IGSF21: variants seen among roughly 807,000 people sequenced by gnomAD.
IGSF21 encodes the protein immunoglobulin superfamily member 21.
A neutral mutation model predicts 46.8 loss-of-function variants in IGSF21; 28 were observed. That is an observed-to-expected ratio of 0.60 (90% CI 0.44 to 0.82). The LOEUF is 0.82. Ranked by LOEUF, IGSF21 falls within the 40% of genes least tolerant of loss-of-function variation. The pLI, the probability that IGSF21 is intolerant of heterozygous loss-of-function variation, is 0.00. For missense variants in IGSF21, 624 were observed against 665.5 expected (o/e 0.94, Z 0.69); for synonymous variants, 284 against 273.6 (o/e 1.04, Z -0.38).
intron 1 of IGSF21, among the ~76,000 whole-genome samples, chr1:18,148,704 G>C (rs897589696): frequency 1.3e-5 from 2 of 152,232 alleles, no homozygotes; most frequent in African/African-American, 4.8e-5. Flanking sequence ...TGTTTGTGGA[G>C]TGAGAGGATG....
At position 18,202,248 on chromosome 1, in the gene IGSF21, C is replaced by T. The variant is rs555726459; in HGVS notation, c.71-25650C>T. ...CCTCCATGTATTCAAAGTCGATGAG[C>T]AATGCAATCTCACATTCTCAGGGCT... On this transcript the variant is annotated intron_variant, in intron 1 of 9. Coordinates refer to ENST00000251296, the MANE Select transcript of IGSF21 (RefSeq NM_032880.5). Among the ~76,000 whole-genome samples the T allele has an allele frequency of 3.3e-5, 5 of 152,330 alleles. No homozygotes were observed. The South Asian group carries it at 1.0e-3, about 32-fold the overall frequency.
At chr1:18,336,846 C>T (rs1294228933) in intron 4 of IGSF21, among the ~76,000 whole-genome samples, 1 of 152,184 alleles carries the variant, frequency 6.6e-6, no homozygotes, top group Non-Finnish European at 1.5e-5. Flanking sequence ...GCTAGGGAGG[C>T]CTCACAATCG....
In IGSF21 at chr1:18,226,487, AG is replaced by A. The variant is rs374640709; in HGVS notation, c.71-1410del. ...TTGTGGTTGTGGCTTTGTCAGACCA[AG>A]TGGGCTCCAGGGCTATCCAGGGGCT... is the stretch of plus-strand genomic sequence containing the variant. On this transcript the variant is annotated intron_variant, in intron 1 of 9. Transcript: ENST00000251296. Among the ~76,000 whole-genome samples the A allele has an allele frequency of 1.5e-4, 23 of 152,250 alleles. No individual in the cohort carries two copies. The East Asian group carries it at 3.7e-3, about 24-fold the overall frequency.
At chr1:18,209,494 G>A (rs1001950804) in intron 1 of IGSF21, among the ~76,000 whole-genome samples, 38 of 150,530 alleles carry the variant, frequency 2.5e-4, no homozygotes, top group African/African-American at 7.8e-4. Flanking sequence ...TCACTCTGTC[G>A]CCCAGGCTGG....
rs1191486702 is a variant in IGSF21 at position 18,273,445 on chromosome 1, A to ACTTT, written c.184-18410_184-18407dup. 1.2e-3 allele frequency among the ~76,000 whole-genome samples: 47 copies of ACTTT among 40,060 alleles called. 2 individuals are homozygous for ACTTT. The highest frequency in any genetic ancestry group is 9.5e-3 in the South Asian group (14 of 1,480). 26.3% of individuals were successfully genotyped at this position (40,060 alleles called of 152,430 possible). A position where few individuals can be genotyped will look rare whatever the true frequency, so the allele number is the denominator to read the frequency against. On this transcript the variant is annotated intron_variant, in intron 2 of 9. Transcript: ENST00000251296. The stretch of plus-strand genomic sequence containing the variant: ...CTTTCCTTTCCTTTCTTTCTTTCTC[A>ACTTT]CTTTCTTTCTTTCTCTCTCTTTCTT...
At chr1:18,168,324 A>T (rs2086699772) in intron 1 of IGSF21, among the ~76,000 whole-genome samples, 1 of 152,182 alleles carries the variant, frequency 6.6e-6, no homozygotes, top group South Asian at 2.1e-4. Flanking sequence ...GGAGGCTTTT[A>T]TGGCTGGTAC....
At chr1:18,252,474 A>G (rs1287263621) in intron 2 of IGSF21, among the ~76,000 whole-genome samples, 1 of 152,242 alleles carries the variant, frequency 6.6e-6, no homozygotes, top group Non-Finnish European at 1.5e-5. Flanking sequence ...AGGTGGCCGT[A>G]GCTTTGCTCC....
intron 2 of IGSF21, among the ~76,000 whole-genome samples, chr1:18,268,031 T>C (rs2085006557): frequency 6.6e-6 from 1 of 152,202 alleles, no homozygotes; most frequent in Non-Finnish European, 1.5e-5. Context: ...TCTTCGTCTG[T>C]TTTATTTGCT....
intron 2 of IGSF21, among the ~76,000 whole-genome samples, chr1:18,276,214 T>C (rs2085101516): frequency 6.6e-6 from 1 of 152,074 alleles, no homozygotes; most frequent in South Asian, 2.1e-4. Flanking sequence ...CTGTTCTGGC[T>C]GAGCAATTCT....
intron 1 of IGSF21, among the ~76,000 whole-genome samples, chr1:18,128,446 A>T (rs1272788651): frequency 1.3e-5 from 2 of 152,102 alleles, no homozygotes; most frequent in Non-Finnish European, 2.9e-5. Context: ...TTTGTAGCTG[A>T]TTCCTTCCCT....
At chr1:18,236,959 G>A (rs965732325) in intron 2 of IGSF21, among the ~76,000 whole-genome samples, 1 of 152,200 alleles carries the variant, frequency 6.6e-6, no homozygotes, top group African/African-American at 2.4e-5. Context: ...GAGATCAGCA[G>A]TAACATGGCC....
chr1:18,155,261 G>A (rs2086557883), intron 1 of IGSF21, among the ~76,000 whole-genome samples: 1 of 152,120 alleles, frequency 6.6e-6, no homozygotes, highest in Non-Finnish European at 1.5e-5. Context: ...GCACGGGATG[G>A]GACATAGAGA....
chr1:18,357,629 G>C (rs115239068), intron 4 of IGSF21, among the ~76,000 whole-genome samples: 4 of 152,084 alleles, frequency 2.6e-5, no homozygotes, highest in African/African-American at 7.2e-5. Flanking sequence ...CAGGAATGCC[G>C]TACTTGGTCA....
At chr1:18,313,255 G>T (rs892043003) in intron 3 of IGSF21, among the ~76,000 whole-genome samples, 19 of 152,176 alleles carry the variant, frequency 1.2e-4, no homozygotes, top group South Asian at 2.1e-4. Flanking sequence ...ACCTCAGGTG[G>T]ATCCCTTCCA....
At chr1:18,201,174 G>C (rs888061914) in intron 1 of IGSF21, among the ~76,000 whole-genome samples, 2 of 152,196 alleles carry the variant, frequency 1.3e-5, no homozygotes, top group African/African-American at 4.8e-5. Context: ...CCCCTGAGCT[G>C]TCTCAGCATG....
At chr1:18,252,196 G>A (rs886280259) in intron 2 of IGSF21, among the ~76,000 whole-genome samples, 3 of 151,714 alleles carry the variant, frequency 2.0e-5, no homozygotes, top group African/African-American at 7.3e-5. Context: ...GACTACAGGC[G>A]CCTGCCACCA....
chr1:18,351,710 C>T (rs965622684), intron 4 of IGSF21, among the ~76,000 whole-genome samples: 2 of 152,180 alleles, frequency 1.3e-5, no homozygotes, highest in African/African-American at 2.4e-5. Flanking sequence ...TGAAATCGCC[C>T]GTGTGTGTAA....
chr1:18,298,790 C>G (rs886097237), intron 3 of IGSF21, among the ~76,000 whole-genome samples: 3 of 152,202 alleles, frequency 2.0e-5, no homozygotes, highest in African/African-American at 7.2e-5. Flanking sequence ...ACAAAAGTGG[C>G]TAAAATCAGC....
chr1:18,224,836 G>C (rs2356001), intron 1 of IGSF21, among the ~76,000 whole-genome samples: 1 of 151,816 alleles, frequency 6.6e-6, no homozygotes, highest in African/African-American at 2.4e-5. Flanking sequence ...AGGCCCAGGC[G>C]GGTGGATCAC....
Sources: gnomAD v4.1 joint callset for allele counts (sites outside exome capture counted in the v4.1 genomes callset) on GRCh38, gnomAD v4.1.1 for gene constraint, MANE v1.5 for transcripts, NCBI Gene and HGNC (gene_info 2026-07-23, HGNC 2026-07-21) for gene names.